STK11: variants seen among roughly 807,000 people sequenced by gnomAD.
STK11 encodes the protein serine/threonine kinase 11.
A neutral mutation model predicts 47.3 loss-of-function variants in STK11; 8 were observed. The observed-to-expected ratio is 0.17, with a 90% CI of 0.10 to 0.31. STK11 has a LOEUF of 0.31. Among genes scored for constraint, STK11 ranks in the 10% least tolerant of loss-of-function variants. The pLI is 1.00. For synonymous variants in STK11, 330 were observed against 255.8 expected (o/e 1.29, Z -2.77); for missense variants, 475 against 605.0 (o/e 0.79, Z 2.25).
At chr19:1,215,511 C>T (rs968681406) in intron 1 of STK11, among the ~76,000 whole-genome samples, 3 of 152,240 alleles carry the variant, frequency 2.0e-5, no homozygotes, top group African/African-American at 7.2e-5. Context: ...CTTCATCCTG[C>T]TCTCCTAGCC....
At chr19:1,218,086 G>C (rs1432633868) in intron 1 of STK11, among the ~76,000 whole-genome samples, 1 of 152,074 alleles carries the variant, frequency 6.6e-6, no homozygotes, top group Non-Finnish European at 1.5e-5. Context: ...AGAGGTTGCA[G>C]TGAGCTGAGA....
chr19:1,213,626 C>T (rs1331637903), intron 1 of STK11, among the ~76,000 whole-genome samples: 1 of 152,254 alleles, frequency 6.6e-6, no homozygotes, highest in Non-Finnish European at 1.5e-5. Flanking sequence ...ACGGCTGCGT[C>T]ACTTTCCAGT....
In STK11 at chr19:1,206,725, C is replaced by A; in HGVS notation, c.-189C>A. The A allele has an allele frequency of 1.2e-6, 1 of 809,178 alleles. No homozygotes were observed. The highest frequency in any genetic ancestry group is 1.9e-6 in the Non-Finnish European group (1 of 537,560). The allele number at this position is 809,178 out of a possible 1,614,324, so 50.1% of individuals were successfully genotyped here. On this transcript the variant is annotated 5_prime_UTR_variant, in exon 1 of 10. Coordinates refer to ENST00000326873, the MANE Select transcript of STK11 (RefSeq NM_000455.5). ...CCTGCACCGGGCTTGGACTCGCAGC[C>A]GGGACTGACGTGTAGAACAATCGTT...
intron 8 of STK11, chr19:1,223,677 G>A (rs368534197): frequency 2.4e-5 from 25 of 1,047,532 alleles, no homozygotes; most frequent in Middle Eastern, 4.4e-4. Context: ...AGAGCGGAGC[G>A]CGGCTTGCAG....
At chr19:1,212,233 G>T (rs1244535879) in intron 1 of STK11, among the ~76,000 whole-genome samples, 1 of 146,420 alleles carries the variant, frequency 6.8e-6, no homozygotes, top group Non-Finnish European at 1.5e-5. Context: ...TCCCACAAAC[G>T]CCACCGTATT....
intron 1 of STK11, among the ~76,000 whole-genome samples, chr19:1,214,068 C>T (rs1358843309): frequency 6.6e-6 from 1 of 152,264 alleles, no homozygotes; most frequent in East Asian, 1.9e-4. Flanking sequence ...CCTAACGTGG[C>T]ACCTCGGAGC....
chr19:1,219,937 T>TGG (rs1388603979), intron 3 of STK11: 1 of 195,854 alleles, frequency 5.1e-6, no homozygotes, highest in Non-Finnish European at 1.1e-5. Flanking sequence ...CCTCCATCTT[T>TGG]GCTGGGCCTG....
In STK11 at chr19:1,228,257, AC is replaced by A; in HGVS notation, c.*685del. ...CCCCCAAGGCCACTGCGCTCTTGGG[AC>A]CCCAGAGAAAACCCGGAGCAAGCAG... On this transcript the variant is annotated 3_prime_UTR_variant, in exon 10 of 10. Coordinates refer to ENST00000326873, the MANE Select transcript of STK11 (RefSeq NM_000455.5). The A allele has an allele frequency of 2.2e-6, 1 of 453,468 alleles. No individual in the cohort carries two copies. Among genetic ancestry groups the A allele is most frequent in the Non-Finnish European group, 3.1e-6 (1 of 320,196 alleles). The allele number at this position is 453,468 out of a possible 1,614,324, so 28.1% of individuals were successfully genotyped here. A position where few individuals can be genotyped will look rare whatever the true frequency, so the allele number is the denominator to read the frequency against.
intron 8 of STK11, chr19:1,224,522 G>T: frequency 1.0e-6 from 1 of 985,490 alleles, no homozygotes; most frequent in Non-Finnish European, 1.2e-6. Flanking sequence ...AGGAGGGCCA[G>T]TTAGGGCAGG....
At chr19:1,224,631 G>C (rs1197475239) in intron 8 of STK11, 1 of 985,500 alleles carries the variant, frequency 1.0e-6, no homozygotes, top group Non-Finnish European at 1.2e-6. Flanking sequence ...GCCAGGACCC[G>C]GCACTGGCTT....
At chr19:1,214,488 C>G (rs1048994587) in intron 1 of STK11, among the ~76,000 whole-genome samples, 1 of 152,180 alleles carries the variant, frequency 6.6e-6, no homozygotes, top group Non-Finnish European at 1.5e-5. Context: ...TCGGTGAGGG[C>G]GAGTCCTCCT....
Position 1,220,524 on chromosome 19 carries a change from G to C in STK11, c.597+19G>C, listed in dbSNP as rs2145424803. On this transcript the variant is annotated intron_variant, in intron 4 of 9. Transcript: ENST00000326873. ...GGCCGAGGTAGGCACGTGCTAGGGG[G>C]GGCCCTGGGGCGCCCCCTCCCGGGC... 1 of 1,589,944 alleles carries C rather than the reference G, an allele frequency of 6.3e-7. No individual in the cohort carries two copies. The highest frequency in any genetic ancestry group is 8.6e-7 in the Non-Finnish European group (1 of 1,167,678).
chr19:1,224,493 A>AGCC, intron 8 of STK11: 1 of 985,414 alleles, frequency 1.0e-6, no homozygotes, highest in South Asian at 4.7e-5. Context: ...TGAGACGGGC[A>AGCC]GCCAGGCAAA....
In STK11 at chr19:1,220,724, GC is replaced by G. The variant is rs762277866; in HGVS notation, c.734+11del. On this transcript the variant is annotated splice_region_variant and intron_variant, in intron 5 of 9. Transcript: ENST00000326873. ...GGTCGGCTGGGGTCACCCTGTAAGT[GC>G]CCCGCCCCCCCGGGCACTCACCACA... 1.9e-6 allele frequency: 3 copies of G among 1,604,410 alleles called. No individual in the cohort carries two copies. The highest frequency in any genetic ancestry group is 2.0e-4 in the Middle Eastern group (1 of 4,968).
chr19:1,211,871 A>C (rs956593325), intron 1 of STK11, among the ~76,000 whole-genome samples: 1 of 152,160 alleles, frequency 6.6e-6, no homozygotes, highest in Admixed American at 6.5e-5. Context: ...GCGAGCTGGG[A>C]GTCAGTCCTG....
rs1196378629 is a variant in STK11 at position 1,227,014 on chromosome 19, G to A, written c.*16+351G>A. The A allele has an allele frequency of 1.7e-5, 5 of 289,634 alleles. No individual in the cohort carries two copies. The Admixed American group carries it at 2.2e-4, about 13-fold the overall frequency. 17.9% of individuals were successfully genotyped at this position (289,634 alleles called of 1,614,324 possible). A position where few individuals can be genotyped will look rare whatever the true frequency, so the allele number is the denominator to read the frequency against. On this transcript the variant is annotated intron_variant, in intron 9 of 9. Coordinates refer to ENST00000326873, the MANE Select transcript of STK11 (RefSeq NM_000455.5). ...CGCTTCCAGGAAAGGCTTATGCTGGGCTCAGCCCAGAGGCTTTTGAGCACC... is the reference window on the plus strand; with the variant it reads ...CGCTTCCAGGAAAGGCTTATGCTGGACTCAGCCCAGAGGCTTTTGAGCACC...
chr19:1,206,867 C>T lies in STK11; in HGVS notation c.-47C>T, dbSNP rs751654958. On this transcript the variant is annotated 5_prime_UTR_variant, in exon 1 of 10. Coordinates refer to ENST00000326873, the MANE Select transcript of STK11 (RefSeq NM_000455.5). Reference sequence around the variant, plus strand: ...CGGAACACAAGGAAGGACCGCTCACCCGCGGACTCAGGGCTGGCGGCGGGA... The same window carrying T: ...CGGAACACAAGGAAGGACCGCTCACTCGCGGACTCAGGGCTGGCGGCGGGA... 16 of 1,530,516 alleles carry T rather than the reference C, an allele frequency of 1.0e-5. No homozygotes were observed. The highest frequency in any genetic ancestry group is 8.0e-5 in the Admixed American group (4 of 50,260). The allele number at this position is 1,530,516 out of a possible 1,614,324, so 94.8% of individuals were successfully genotyped here. A position where few individuals can be genotyped will look rare whatever the true frequency, so the allele number is the denominator to read the frequency against.
At chr19:1,218,629 C>T (rs1166346954) in intron 2 of STK11, 129 bp downstream of exon 2, 10 of 816,102 alleles carry the variant, frequency 1.2e-5, no homozygotes, top group Non-Finnish European at 1.8e-5. Flanking sequence ...CCGTGGCCTT[C>T]CCTGGTTCCC....
Position 1,209,531 on chromosome 19 carries a change from G to A in STK11, c.290+2328G>A, listed in dbSNP as rs145502387. 1.6e-4 allele frequency among the ~76,000 whole-genome samples: 25 copies of A among 152,162 alleles called. No homozygotes were observed. In the East Asian group the frequency reaches 3.3e-3, roughly 20 times the overall value. On this transcript the variant is annotated intron_variant, in intron 1 of 9. Coordinates refer to ENST00000326873, the MANE Select transcript of STK11 (RefSeq NM_000455.5). ...TGGGAGGCGGAGCTTGCGGTGACCC[G>A]AGATCGCACCATTGCGCTCCAGCCT...
Sources: allele counts gnomAD v4.1 joint callset (sites outside exome capture counted in the v4.1 genomes callset), GRCh38; gene constraint gnomAD v4.1.1; transcripts MANE v1.5; gene names NCBI Gene and HGNC (gene_info 2026-07-23, HGNC 2026-07-21).